SUPT5H: variants seen among roughly 807,000 people sequenced by gnomAD.
SUPT5H encodes transcription elongation factor SPT5.
In SUPT5H, 24 loss-of-function variants were observed where a neutral mutation model predicts 142.5. The observed-to-expected ratio is 0.17, with a 90% CI of 0.12 to 0.24. The LOEUF is 0.24. Ranked by LOEUF, SUPT5H falls within the 10% of genes least tolerant of loss-of-function variation. The pLI is 1.00. For synonymous variants in SUPT5H, 546 were observed against 553.0 expected (o/e 0.99, Z 0.18); for missense variants, 893 against 1,471.8 (o/e 0.61, Z 6.43).
At chr19:39,452,484 A>G (rs1489585427) in intron 2 of SUPT5H, among the ~76,000 whole-genome samples, 1 of 152,168 alleles carries the variant, frequency 6.6e-6, no homozygotes, top group Non-Finnish European at 1.5e-5. Context: ...AAAAACCAGG[A>G]GAGCATGATA....
rs375432497 is a variant in SUPT5H at position 39,449,477 on chromosome 19, T to C, written c.75+3512T>C. Among the ~76,000 whole-genome samples, 66 of 152,204 alleles carry C rather than the reference T, an allele frequency of 4.3e-4. 1 individual carries two copies. In the South Asian group the frequency reaches 0.013, roughly 30 times the overall value. ...TGCTTGGCCTTGGGCTGGGTGATGT[T>C]GGGGGACCCAGCAGTGCCTGAGATG... is the stretch of plus-strand genomic sequence containing the variant. On this transcript the variant is annotated intron_variant, in intron 2 of 29. Coordinates refer to ENST00000432763, the MANE Select transcript of SUPT5H (RefSeq NM_001111020.3).
chr19:39,458,318 A>G lies in SUPT5H; in HGVS notation c.319+13A>G, dbSNP rs748568977. On this transcript the variant is annotated intron_variant, in intron 5 of 29. Coordinates refer to ENST00000432763, the MANE Select transcript of SUPT5H (RefSeq NM_001111020.3). This position sits in a 1 kb window ranked among gnomAD's most constrained non-coding sequence, Gnocchi z 4.2. Reference sequence around the variant, plus strand: ...GAAGAGATTGAAGGTAAGAATATGAAAAGTGTGATTCCCTGACCTTCCTCC... The same window carrying G: ...GAAGAGATTGAAGGTAAGAATATGAGAAGTGTGATTCCCTGACCTTCCTCC... 6.7e-7 allele frequency: 1 copy of G among 1,496,390 alleles called. No homozygotes were observed. Among genetic ancestry groups the G allele is most frequent in the Non-Finnish European group, 9.1e-7 (1 of 1,101,292 alleles). The allele number at this position is 1,496,390 out of a possible 1,614,324, so 92.7% of individuals were successfully genotyped here.
At position 39,445,856 on chromosome 19, in the gene SUPT5H, G is replaced by GC. The variant is rs1201722642; in HGVS notation, c.-33dup. 6.2e-7 allele frequency: 1 copy of GC among 1,608,650 alleles called. No homozygotes were observed. The highest frequency in any genetic ancestry group is 1.3e-5 in the African/African-American group (1 of 75,038). ...GGTGGAGCGCAGGATTGTGGGACGCGCCAAGGCTGCTGTCTTTCCCAGCAG... is the reference window on the plus strand; with the variant it reads ...GGTGGAGCGCAGGATTGTGGGACGCGCCCAAGGCTGCTGTCTTTCCCAGCAG... On this transcript the variant is annotated 5_prime_UTR_variant, in exon 2 of 30. Transcript: ENST00000432763.
intron 4 of SUPT5H, 82 bp downstream of exon 4, chr19:39,457,822 G>T: frequency 6.3e-7 from 1 of 1,583,390 alleles, no homozygotes; most frequent in Non-Finnish European, 8.6e-7. Context: ...CCCGACCCCC[G>T]CATCCCCTGT....
In SUPT5H at chr19:39,472,792, A is replaced by G. The variant is rs933919949; in HGVS notation, c.2036-18A>G. 5 of 1,606,770 alleles carry G rather than the reference A, an allele frequency of 3.1e-6. No individual in the cohort carries two copies. Among genetic ancestry groups the G allele is most frequent in the Middle Eastern group, 1.7e-4 (1 of 6,030 alleles). On this transcript the variant is annotated intron_variant, in intron 21 of 29. Transcript: ENST00000432763. This position sits in a 1 kb window ranked among gnomAD's most constrained non-coding sequence, Gnocchi z 4.2. ...GGCACAGCCGTGGGGGACCAGTGAC[A>G]TTCTCCCCAATCCCCAGGTCAGCGT...
At chr19:39,471,289 G>A (rs1301044755) in intron 18 of SUPT5H, 68 bp from the exon 19 acceptor site, 5 of 1,589,068 alleles carry the variant, frequency 3.1e-6, no homozygotes, top group Admixed American at 1.7e-5. Context: ...TCCCACTTTA[G>A]GGAACCCCTG....
At chr19:39,449,974 G>A (rs2079001125) in intron 2 of SUPT5H, among the ~76,000 whole-genome samples, 1 of 138,984 alleles carries the variant, frequency 7.2e-6, no homozygotes, top group Admixed American at 7.6e-5. Flanking sequence ...GTCTCACTTT[G>A]TCACCCATGC....
chr19:39,457,595 C>A, intron 3 of SUPT5H, 80 bp from the exon 4 acceptor site: 1 of 1,568,028 alleles, frequency 6.4e-7, no homozygotes, highest in South Asian at 1.2e-5. Flanking sequence ...TAGTGCACAT[C>A]TCCCAGAGGA....
Position 39,470,362 on chromosome 19 carries a change from C to T in SUPT5H, c.1531-15C>T. 6.4e-7 allele frequency: 1 copy of T among 1,553,812 alleles called. No homozygotes were observed. The highest frequency in any genetic ancestry group is 1.2e-5 in the South Asian group (1 of 82,040). ...CACCTGGACTGGGCCTCACCCCTTT[C>T]ACCATCCCTGGCAGCTGAAGGTGCT... On this transcript the variant is annotated splice_polypyrimidine_tract_variant and intron_variant, in intron 17 of 29. Transcript: ENST00000432763. This position sits in a 1 kb window ranked among gnomAD's most constrained non-coding sequence, Gnocchi z 5.8.
intron 2 of SUPT5H, among the ~76,000 whole-genome samples, chr19:39,448,783 C>T (rs2078983910): frequency 6.6e-6 from 1 of 152,024 alleles, no homozygotes; most frequent in Admixed American, 6.6e-5. Context: ...GCTCCAGTAA[C>T]CTGTTCATTT....
intron 10 of SUPT5H, among the ~76,000 whole-genome samples, chr19:39,460,940 C>T (rs2079152991): frequency 6.6e-6 from 1 of 152,074 alleles, no homozygotes; most frequent in Non-Finnish European, 1.5e-5. Flanking sequence ...ACCAAGTAGA[C>T]AGTTGTAGGG....
At chr19:39,475,545 T>A (rs1404332551) in intron 28 of SUPT5H, among the ~76,000 whole-genome samples, 3 of 152,022 alleles carry the variant, frequency 2.0e-5, no homozygotes. Context: ...TGGTATGGAA[T>A]TCTCCATCAG....
At position 39,453,385 on chromosome 19, in the gene SUPT5H, C is replaced by A. The variant is rs1253176529; in HGVS notation, c.105C>A (p.Gly35=). 1.9e-6 allele frequency: 3 copies of A among 1,601,582 alleles called. No homozygotes were observed. Among genetic ancestry groups the A allele is most frequent in the South Asian group, 2.2e-5 (2 of 89,244 alleles). The change falls in exon 3 of 30, where the codon GGC becomes GGA. Residue 35 remains glycine, a synonymous_variant. Transcript: ENST00000432763. ...ACGAAGAGCGGCGGAGTGCAGCGGG[C>A]AGTGAGAAAGAAGAAGAGCCTGAGG... is the stretch of plus-strand genomic sequence containing the variant. ...EVDEERRSAA[G]SEKEEEPEDE...
chr19:39,447,608 G>A (rs940703799), intron 2 of SUPT5H, among the ~76,000 whole-genome samples: 7 of 152,106 alleles, frequency 4.6e-5, no homozygotes, highest in East Asian at 1.9e-4. Context: ...TAGTAGAGAC[G>A]GGGTTTCACT....
Position 39,473,488 on chromosome 19 carries a change from C to A in SUPT5H, c.2459C>A (p.Ala820Asp). Reference protein sequence around the residue: ...DGSRTPAQSGAWDPNNPNTPS... With the variant: ...DGSRTPAQSGDWDPNNPNTPS... ...AGCCGCACTCCTGCCCAGAGTGGGGCCTGGGACCCCAACAACCCCAACACG... is the reference window on the plus strand; with the variant it reads ...AGCCGCACTCCTGCCCAGAGTGGGGACTGGGACCCCAACAACCCCAACACG... Residue 820 changes from alanine to aspartate, a missense_variant, in exon 25 of 30, where the codon GCC becomes GAC. Coordinates refer to ENST00000432763, the MANE Select transcript of SUPT5H (RefSeq NM_001111020.3). The surrounding 1 kb of genome is among the most constrained non-coding windows in gnomAD (Gnocchi z 5.8). 1 of 1,612,346 alleles carries A rather than the reference C, an allele frequency of 6.2e-7. No homozygotes were observed. Among genetic ancestry groups the A allele is most frequent in the Non-Finnish European group, 8.5e-7 (1 of 1,179,926 alleles).
In SUPT5H at chr19:39,450,007, G is replaced by C. The variant is rs571993806; in HGVS notation, c.76-3349G>C. Among the ~76,000 whole-genome samples, 6 of 148,536 alleles carry C rather than the reference G, an allele frequency of 4.0e-5. No homozygotes were observed. The East Asian group carries it at 1.2e-3, about 29-fold the overall frequency. On this transcript the variant is annotated intron_variant, in intron 2 of 29. Coordinates refer to ENST00000432763, the MANE Select transcript of SUPT5H (RefSeq NM_001111020.3). Reference sequence around the variant, plus strand: ...TGCTGGGGTGCAGTGGTGTGATCTCGACTCACTGCAGCCTCAGCCTCCTGA... The same window carrying C: ...TGCTGGGGTGCAGTGGTGTGATCTCCACTCACTGCAGCCTCAGCCTCCTGA...
intron 11 of SUPT5H, among the ~76,000 whole-genome samples, chr19:39,465,740 G>C (rs1330709228): frequency 2.0e-5 from 3 of 152,170 alleles, no homozygotes; most frequent in Admixed American, 6.5e-5. Flanking sequence ...ATAGCCTGGA[G>C]GGGGCCATGG....
chr19:39,461,416 C>T (rs58918625), intron 10 of SUPT5H, among the ~76,000 whole-genome samples: 16,749 of 151,992 alleles, frequency 0.11, 981 homozygotes, highest in Non-Finnish European at 0.12. Context: ...TACCTTTTGG[C>T]TAGGTGTGGT....
At chr19:39,468,078 C>G (rs2079267326) in intron 13 of SUPT5H, 1 of 152,374 alleles carries the variant, frequency 6.6e-6, no homozygotes, top group South Asian at 2.1e-4. Flanking sequence ...ACCTGCTCCT[C>G]CATGAAGGAG....
Sources: gnomAD v4.1 joint callset for allele counts (sites outside exome capture counted in the v4.1 genomes callset) on GRCh38, gnomAD v4.1.1 for gene constraint, Gnocchi (gnomAD v3.1) non-coding constraint, MANE v1.5 for transcripts, NCBI Gene and HGNC (gene_info 2026-07-23, HGNC 2026-07-21) for gene names.